Variants in CEP104 observed in about 807,000 individuals in gnomAD.
The protein encoded by CEP104 is centrosomal protein of 104 kDa.
In CEP104, 84 loss-of-function variants were observed where a neutral mutation model predicts 113.3. The ratio of observed to expected loss-of-function variants is 0.74; its 90% confidence interval spans 0.62 to 0.89. CEP104 has a LOEUF of 0.89. Among genes scored for constraint, CEP104 ranks in the 40% least tolerant of loss-of-function variants. The pLI is 0.00. For missense variants in CEP104, 1,053 were observed against 1,156.6 expected (o/e 0.91, Z 1.30); for synonymous variants, 378 against 421.7 (o/e 0.90, Z 1.27).
intron 6 of CEP104, chr1:3,843,453 G>T: frequency 2.2e-6 from 1 of 455,032 alleles, no homozygotes; most frequent in Non-Finnish European, 3.9e-6. Context: ...CTCGGCTCAA[G>T]CGATCTTCCT....
At chr1:3,825,901 G>C in intron 17 of CEP104, 35 bp from the exon 18 acceptor site, 1 of 1,458,126 alleles carries the variant, frequency 6.9e-7, no homozygotes, top group Non-Finnish European at 9.6e-7. Context: ...TAAAGGTAAG[G>C]ATCTAGTTCC....
intron 1 of CEP104, chr1:3,855,772 C>G (rs1570871607): frequency 2.6e-6 from 1 of 377,984 alleles, no homozygotes; most frequent in South Asian, 1.1e-4. Context: ...CTTGGAATGT[C>G]ACTGAAGGAT....
At chr1:3,818,843 G>C (rs1643919037) in intron 20 of CEP104, among the ~76,000 whole-genome samples, 1 of 152,266 alleles carries the variant, frequency 6.6e-6, no homozygotes. Flanking sequence ...TCTGCCCCAA[G>C]GTTCTTCATT....
rs1643821432 is a variant in CEP104 at position 3,813,070 on chromosome 1, T to A, written c.*2332A>T. 6.6e-6 allele frequency: 1 copy of A among 152,104 alleles called. No homozygotes were observed. Among genetic ancestry groups the A allele is most frequent in the African/African-American group, 2.4e-5 (1 of 41,412 alleles). The allele number at this position is 152,104 out of a possible 1,614,324, so 9.4% of individuals were successfully genotyped here. ...AAAGTGTTGATTGGTGAGAAAAGAA[T>A]AATTCCTTGGTTAACTTTTCTCATT... is the stretch of plus-strand genomic sequence containing the variant. On this transcript the variant is annotated 3_prime_UTR_variant, in exon 22 of 22. Transcript: ENST00000378230.
Position 3,852,278 on chromosome 1 carries a change from C to T in CEP104, c.113+17G>A, listed in dbSNP as rs768253337. ...AGGCTGCCTCCCAGCCCAAGCCCCG[C>T]CCCGTCCAGTCCTCACCTAGGTGAC... On this transcript the variant is annotated intron_variant, in intron 2 of 21. Transcript: ENST00000378230. 5 of 1,609,652 alleles carry T rather than the reference C, an allele frequency of 3.1e-6. No individual in the cohort carries two copies. In the African/African-American group the frequency reaches 4.0e-5, roughly 13 times the overall value.
chr1:3,827,877 G>C (rs541598122), intron 15 of CEP104, among the ~76,000 whole-genome samples: 1 of 152,330 alleles, frequency 6.6e-6, no homozygotes, highest in Non-Finnish European at 1.5e-5. Context: ...ATGAGGGTGG[G>C]ACTTTGCTTT....
At chr1:3,847,652 C>G in intron 3 of CEP104, 39 bp from the exon 4 acceptor site, 1 of 1,610,576 alleles carries the variant, frequency 6.2e-7, no homozygotes. Flanking sequence ...TGAAAATGTG[C>G]TGTTCAATAA....
intron 1 of CEP104, among the ~76,000 whole-genome samples, chr1:3,854,169 G>T (rs79335678): frequency 0.022 from 3,365 of 152,124 alleles, 83 homozygotes; most frequent in East Asian, 0.1. Context: ...GTCTTATCAG[G>T]CCTGCCCTTC....
chr1:3,821,456 C>CT (rs1344014363), intron 20 of CEP104, among the ~76,000 whole-genome samples: 1 of 152,236 alleles, frequency 6.6e-6, no homozygotes, highest in African/African-American at 2.4e-5. Flanking sequence ...AACCTTCACT[C>CT]TGCCTTTCCA....
intron 4 of CEP104, among the ~76,000 whole-genome samples, chr1:3,846,257 AGT>A (rs1178071290): frequency 6.6e-6 from 1 of 152,166 alleles, no homozygotes; most frequent in Non-Finnish European, 1.5e-5. Context: ...CCAGTTGGTG[AGT>A]CTCACCTGAG....
chr1:3,826,055 A>C (rs919772659), intron 17 of CEP104, among the ~76,000 whole-genome samples, 189 bp from the exon 18 acceptor site: 2 of 152,174 alleles, frequency 1.3e-5, no homozygotes, highest in Non-Finnish European at 2.9e-5. Context: ...GTGGCAGAGG[A>C]GGCTGGGTGT....
rs199600536 is a variant in CEP104, at chr1:3,836,593, C to T, written c.1219G>A (p.Asp407Asn). Reference protein sequence around the residue: ...EPEMSNADISDARRGGMLGEP... With the variant: ...EPEMSNADISNARRGGMLGEP... ...CCTAACATGCCTCCCCTCCGAGCAT[C>T]GCTGATGTCTGCATTACTCATTTCC... The change falls in exon 10 of 22, where the codon GAT becomes AAT. Residue 407 changes from aspartate to asparagine, a missense_variant. Physicochemically the swap from Asp to Asn is conservative, Grantham distance 23 (BLOSUM62 1). Transcript: ENST00000378230. 3.6e-5 allele frequency: 58 copies of T among 1,611,062 alleles called. No homozygotes were observed. The African/African-American group carries it at 6.6e-4, about 18-fold the overall frequency.
At chr1:3,845,969 C>T (rs1179065231) in intron 4 of CEP104, among the ~76,000 whole-genome samples, 1 of 151,552 alleles carries the variant, frequency 6.6e-6, no homozygotes, top group Non-Finnish European at 1.5e-5. Flanking sequence ...ATCCCAGCTA[C>T]TCAGGAGGCT....
intron 12 of CEP104, among the ~76,000 whole-genome samples, chr1:3,832,040 C>T (rs1644217688): frequency 1.3e-5 from 2 of 152,188 alleles, no homozygotes; most frequent in Admixed American, 1.3e-4. Flanking sequence ...TTGTAACCCT[C>T]GATAGATTGC....
chr1:3,827,077 G>C (rs1644106481), intron 15 of CEP104, among the ~76,000 whole-genome samples: 1 of 152,240 alleles, frequency 6.6e-6, no homozygotes, highest in Admixed American at 6.5e-5. Context: ...ACTTGAGCCT[G>C]GGAGGTGGAG....
chr1:3,847,510 G>A lies in CEP104; in HGVS notation c.391C>T (p.Gln131Ter). 6.2e-7 allele frequency: 1 copy of A among 1,609,340 alleles called. No individual in the cohort carries two copies. Among genetic ancestry groups the A allele is most frequent in the Non-Finnish European group, 8.5e-7 (1 of 1,178,350 alleles). Residue 131 changes from glutamine (Q) to a stop codon, truncating the protein, a stop_gained, in exon 4 of 22, where the codon CAA becomes TAA. Transcript: ENST00000378230. LOFTEE classifies it high-confidence loss of function. ...VGQFLKLIFH[Q>*]NHVNKYNIYN... is the part of the protein sequence containing the mutation. ...ATGTTGTATTTGTTGACATGGTTTT[G>A]GTGAAAAATCAGTTTAAGAAATTGT...
At chr1:3,847,253 G>A (rs957435953) in intron 4 of CEP104, among the ~76,000 whole-genome samples, 1 of 151,058 alleles carries the variant, frequency 6.6e-6, no homozygotes, top group African/African-American at 2.5e-5. Context: ...TGGTGATGCT[G>A]GCAGCAGCTC....
chr1:3,836,678 G>C lies in CEP104; in HGVS notation c.1134C>G (p.Pro378=), dbSNP rs1454444929. 1 of 1,613,512 alleles carries C rather than the reference G, an allele frequency of 6.2e-7. No homozygotes were observed. The highest frequency in any genetic ancestry group is 1.3e-5 in the African/African-American group (1 of 74,966). The part of the protein sequence containing the change: ...PHPKINAESL[P]YDERPLPAIR... ...TAGCTGGAAGAGGCCGCTCATCGTA[G>C]GGCAGGGACTCTGCCTGCAGTGAGT... The change falls in exon 10 of 22, where the codon CCC becomes CCG. Residue 378 remains proline, a synonymous_variant. Coordinates refer to ENST00000378230, the MANE Select transcript of CEP104 (RefSeq NM_014704.4).
chr1:3,825,986 C>T, intron 17 of CEP104, 120 bp from the exon 18 acceptor site: 1 of 738,508 alleles, frequency 1.4e-6, no homozygotes, highest in Admixed American at 2.1e-5. Context: ...TGCACTTTCC[C>T]TCTCATCTGG....
Sources: gnomAD v4.1 joint callset for allele counts (sites outside exome capture counted in the v4.1 genomes callset) on GRCh38, gnomAD v4.1.1 for gene constraint, MANE v1.5 for transcripts, NCBI Gene and HGNC (gene_info 2026-07-23, HGNC 2026-07-21) for gene names.